Variants in NDST3 observed in about 807,000 individuals in gnomAD.
The protein encoded by NDST3 is bifunctional heparan sulfate N-deacetylase/N-sulfotransferase 3.
Under a neutral mutation model 96.1 loss-of-function variants are expected in NDST3, and 58 were observed. The ratio of observed to expected loss-of-function variants is 0.60; its 90% CI spans 0.49 to 0.75. NDST3 has a LOEUF of 0.75. NDST3 is among the 30% of genes least tolerant of loss of function. NDST3 has a pLI of 0.00. For synonymous variants in NDST3, 333 were observed against 359.7 expected, an observed-to-expected ratio of 0.93 and a Z score of 0.84; for missense variants, 788 against 1,034.2, an observed-to-expected ratio of 0.76 and a Z score of 3.27.
chr4:118,068,406 T>C (rs1159927832), intron 2 of NDST3, among the ~76,000 whole-genome samples: 1 of 152,150 alleles, frequency 6.6e-6, no homozygotes, highest in East Asian at 1.9e-4. Context: ...ACTGTATTTT[T>C]TTTAAAGAAA....
At chr4:118,042,805 T>C (rs1724542485) in intron 1 of NDST3, among the ~76,000 whole-genome samples, 1 of 152,230 alleles carries the variant, frequency 6.6e-6, no homozygotes, top group Non-Finnish European at 1.5e-5. Context: ...TCATGGCATG[T>C]CACTTTCAAG....
intron 6 of NDST3, among the ~76,000 whole-genome samples, chr4:118,222,548 C>T (rs1381742551): frequency 1.3e-5 from 2 of 151,914 alleles, no homozygotes; most frequent in African/African-American, 2.4e-5. Flanking sequence ...AACATTAAAC[C>T]GTCCTTTAGC....
chr4:118,145,389 C>T (rs1279703557), intron 6 of NDST3, among the ~76,000 whole-genome samples: 1 of 152,184 alleles, frequency 6.6e-6, no homozygotes, highest in Non-Finnish European at 1.5e-5. Context: ...TCATGAACTT[C>T]TTAAAAGTTC....
intron 6 of NDST3, among the ~76,000 whole-genome samples, chr4:118,192,394 T>C (rs11728941): frequency 0.17 from 25,775 of 152,196 alleles, 2,332 homozygotes; most frequent in South Asian, 0.23. Context: ...AATGTTTTCT[T>C]GTAGTAGTTT....
chr4:118,040,513 T>C (rs907757469), intron 1 of NDST3, among the ~76,000 whole-genome samples: 1 of 152,096 alleles, frequency 6.6e-6, no homozygotes, highest in Admixed American at 6.5e-5. Context: ...TTCCCACAAC[T>C]CTACTTAAGC....
intron 12 of NDST3, among the ~76,000 whole-genome samples, chr4:118,244,468 C>T (rs971454107): frequency 5.9e-5 from 9 of 152,012 alleles, no homozygotes; most frequent in African/African-American, 9.7e-5. Context: ...GTGATAATGA[C>T]GACTATCTCA....
chr4:118,095,293 G>A (rs1729203758), intron 2 of NDST3, among the ~76,000 whole-genome samples: 1 of 151,764 alleles, frequency 6.6e-6, no homozygotes, highest in Admixed American at 6.6e-5. Flanking sequence ...AGCATAGTGA[G>A]TAGGAAAGGA....
intron 6 of NDST3, among the ~76,000 whole-genome samples, chr4:118,215,698 T>C (rs1376122740): frequency 1.3e-5 from 2 of 152,092 alleles, no homozygotes; most frequent in Non-Finnish European, 2.9e-5. Context: ...GAGTTGAAAG[T>C]AGATGCGATG....
chr4:118,166,624 G>A (rs1735566415), intron 6 of NDST3, among the ~76,000 whole-genome samples: 1 of 151,868 alleles, frequency 6.6e-6, no homozygotes, highest in African/African-American at 2.4e-5. Context: ...CAATATTCTT[G>A]ATGAACATAG....
chr4:118,121,130 C>A (rs142719430), intron 4 of NDST3, among the ~76,000 whole-genome samples: 1 of 152,252 alleles, frequency 6.6e-6, no homozygotes, highest in Non-Finnish European at 1.5e-5. Context: ...AAGACTGACT[C>A]TGTTATTTAA....
chr4:118,158,724 A>G (rs569852605), intron 6 of NDST3, among the ~76,000 whole-genome samples: 14 of 152,360 alleles, frequency 9.2e-5, no homozygotes, highest in South Asian at 6.2e-4. Flanking sequence ...CCAAGTGATC[A>G]GACTTAACAT....
At chr4:118,080,416 A>C (rs1028283486) in intron 2 of NDST3, among the ~76,000 whole-genome samples, 1 of 152,202 alleles carries the variant, frequency 6.6e-6, no homozygotes, top group African/African-American at 2.4e-5. Context: ...ACAGTAGAGA[A>C]GAGAGTAAAA....
intron 2 of NDST3, among the ~76,000 whole-genome samples, chr4:118,073,297 G>A (rs558164968): frequency 6.6e-6 from 1 of 152,128 alleles, no homozygotes; most frequent in African/African-American, 2.4e-5. Flanking sequence ...AGTAGGAATG[G>A]TACCAGTTCT....
intron 4 of NDST3, among the ~76,000 whole-genome samples, chr4:118,119,345 TTTAA>T (rs1187961421): frequency 2.0e-5 from 3 of 152,210 alleles, no homozygotes; most frequent in African/African-American, 7.2e-5. Flanking sequence ...ATGACAATCT[TTTAA>T]TTAGTTTGCT....
intron 6 of NDST3, among the ~76,000 whole-genome samples, chr4:118,215,059 A>T (rs1739106097): frequency 6.6e-6 from 1 of 152,158 alleles, no homozygotes; most frequent in East Asian, 1.9e-4. Context: ...CAATTTAGCC[A>T]TGTTTAAAGT....
chr4:118,105,148 T>C lies in NDST3; in HGVS notation c.1069+43T>C, dbSNP rs201177577. On this transcript the variant is annotated intron_variant, in intron 3 of 13. Transcript: ENST00000296499. ...ACTGTTCTCATTAAGGCTTCTCTGA[T>C]CACTCTATTTAAAATTGCACACTTT... is the stretch of plus-strand genomic sequence containing the variant. The C allele has an allele frequency of 2.9e-5, 42 of 1,465,782 alleles. No homozygotes were observed. The African/African-American group carries it at 5.0e-4, about 18-fold the overall frequency. The allele number at this position is 1,465,782 out of a possible 1,614,324, so 90.8% of individuals were successfully genotyped here.
At chr4:118,092,098 A>G (rs915666517) in intron 2 of NDST3, among the ~76,000 whole-genome samples, 1 of 148,724 alleles carries the variant, frequency 6.7e-6, no homozygotes, top group Non-Finnish European at 1.5e-5. Flanking sequence ...GTTCTAGGGT[A>G]CATGTGTACA....
At chr4:118,221,111 T>C (rs540989668) in intron 6 of NDST3, among the ~76,000 whole-genome samples, 6 of 151,930 alleles carry the variant, frequency 3.9e-5, no homozygotes, top group African/African-American at 1.4e-4. Flanking sequence ...GATCAGAATG[T>C]TTTAAAACTT....
At chr4:118,165,519 C>A (rs1024508856) in intron 6 of NDST3, among the ~76,000 whole-genome samples, 16 of 151,840 alleles carry the variant, frequency 1.1e-4, no homozygotes, top group Admixed American at 3.3e-4. Context: ...ACACTTAGAC[C>A]AAAAATCAAT....
Sources: allele counts gnomAD v4.1 joint callset (sites outside exome capture counted in the v4.1 genomes callset), GRCh38; gene constraint gnomAD v4.1.1; transcripts MANE v1.5; gene names NCBI Gene and HGNC (gene_info 2026-07-23, HGNC 2026-07-21).